Variants in STARD13 observed in about 807,000 individuals in gnomAD.
STARD13 encodes the protein stAR-related lipid transfer protein 13.
Under a neutral mutation model 106.4 loss-of-function variants are expected in STARD13, and 62 were observed. That is an observed-to-expected ratio of 0.58 (90% CI 0.48 to 0.72). STARD13 has a LOEUF of 0.72. STARD13 is among the 30% of genes least tolerant of loss of function. The pLI, the probability that STARD13 is intolerant of heterozygous loss-of-function variation, is 0.00. For synonymous variants in STARD13, 565 were observed against 553.0 expected, an observed-to-expected ratio of 1.02 and a Z score of -0.31; for missense variants, 1,387 against 1,424.0, an observed-to-expected ratio of 0.97 and a Z score of 0.42.
chr13:33,172,348 A>G (rs1013246001), intron 1 of STARD13, among the ~76,000 whole-genome samples: 1 of 152,214 alleles, frequency 6.6e-6, no homozygotes, highest in Non-Finnish European at 1.5e-5. Flanking sequence ...CAAGGTAGCC[A>G]AGAGAAAAGA....
the STARD13 span, among the ~76,000 whole-genome samples, chr13:33,358,217 T>C: frequency 6.6e-6 from 1 of 151,988 alleles, no homozygotes; most frequent in Admixed American, 6.6e-5. Context: ...TGCCTTCCCA[T>C]GGGGCAGGGC....
chr13:33,435,769 C>A, the STARD13 span, among the ~76,000 whole-genome samples: 1 of 152,060 alleles, frequency 6.6e-6, no homozygotes, highest in Non-Finnish European at 1.5e-5. Context: ...TTGCACAGTG[C>A]AAGGGACATA....
At chr13:33,642,500 C>A in the STARD13 span, among the ~76,000 whole-genome samples, 2 of 152,150 alleles carry the variant, frequency 1.3e-5, no homozygotes, top group Admixed American at 6.5e-5. Context: ...GTGCTTCAGG[C>A]CCCCTGCAGA....
the STARD13 span, among the ~76,000 whole-genome samples, chr13:33,398,367 A>G: frequency 1.1e-4 from 16 of 152,360 alleles, no homozygotes; most frequent in African/African-American, 3.8e-4. Flanking sequence ...CTTTTAGAAA[A>G]CAACATCAGA....
At chr13:33,193,358 A>G (rs1460263770) in intron 1 of STARD13, among the ~76,000 whole-genome samples, 1 of 152,226 alleles carries the variant, frequency 6.6e-6, no homozygotes, top group African/African-American at 2.4e-5. Context: ...TCTAGGTGGG[A>G]ACATTATTTC....
the STARD13 span, among the ~76,000 whole-genome samples, chr13:33,668,609 T>A: frequency 4.6e-5 from 7 of 152,288 alleles, no homozygotes; most frequent in African/African-American, 1.4e-4. Context: ...AGGTAGTAGA[T>A]TACAGATGGA....
chr13:33,478,090 G>C, the STARD13 span, among the ~76,000 whole-genome samples: 2 of 152,076 alleles, frequency 1.3e-5, no homozygotes, highest in Non-Finnish European at 2.9e-5. Context: ...TCCAATTCGT[G>C]TTTTCCTGCA....
chr13:33,197,416 T>TTGTGAG (rs1886705255), intron 1 of STARD13, among the ~76,000 whole-genome samples: 1 of 148,026 alleles, frequency 6.8e-6, no homozygotes, highest in Non-Finnish European at 1.5e-5. Flanking sequence ...AGGAAGAGAG[T>TTGTGAG]TGTGTGTGTG....
intron 1 of STARD13, among the ~76,000 whole-genome samples, chr13:33,232,065 C>G (rs909178102): frequency 5.3e-5 from 8 of 152,202 alleles, no homozygotes; most frequent in Non-Finnish European, 1.0e-4. Context: ...GTAATCCAAG[C>G]ACTTTGGGAG....
intron 1 of STARD13, among the ~76,000 whole-genome samples, chr13:33,211,344 G>A (rs9596965): frequency 0.07 from 10,658 of 152,024 alleles, 1,224 homozygotes; most frequent in African/African-American, 0.24. Flanking sequence ...GTAAAAGCCT[G>A]TTTTTATTCC....
chr13:33,647,570 C>A, the STARD13 span, among the ~76,000 whole-genome samples: 1 of 152,182 alleles, frequency 6.6e-6, no homozygotes, highest in Non-Finnish European at 1.5e-5. Flanking sequence ...CTCACCTAAA[C>A]CCTATTTTCT....
chr13:33,665,153 G>A, the STARD13 span, among the ~76,000 whole-genome samples: 5 of 152,138 alleles, frequency 3.3e-5, no homozygotes, highest in African/African-American at 1.2e-4. Context: ...GTAAAGTCCT[G>A]CTTCTTATTT....
At chr13:33,154,418 G>A (rs988524615) in intron 3 of STARD13, among the ~76,000 whole-genome samples, 1 of 152,190 alleles carries the variant, frequency 6.6e-6, no homozygotes, top group Non-Finnish European at 1.5e-5. Context: ...GAGGGCTCTA[G>A]CTATACAAAG....
At chr13:33,426,359 T>C in the STARD13 span, among the ~76,000 whole-genome samples, 1 of 152,196 alleles carries the variant, frequency 6.6e-6, no homozygotes, top group Non-Finnish European at 1.5e-5. Flanking sequence ...CAACTTGTCT[T>C]AGCATCTAAT....
intron 1 of STARD13, among the ~76,000 whole-genome samples, chr13:33,168,248 G>T (rs377273440): frequency 6.6e-6 from 1 of 152,040 alleles, no homozygotes; most frequent in African/African-American, 2.4e-5. Flanking sequence ...TGTAGAGTGC[G>T]GCATAGAAGA....
At chr13:33,125,030 C>G (rs974436266) in intron 7 of STARD13, among the ~76,000 whole-genome samples, 12 of 152,206 alleles carry the variant, frequency 7.9e-5, no homozygotes, top group Non-Finnish European at 1.3e-4. Flanking sequence ...TCAGTTCAGT[C>G]AAAGACAACT....
upstream of STARD13, among the ~76,000 whole-genome samples, chr13:33,354,785 A>G (rs1053396822): frequency 3.3e-5 from 5 of 151,820 alleles, no homozygotes; most frequent in African/African-American, 9.7e-5. Context: ...ATACATACTG[A>G]TAATTATAGT....
the STARD13 span, among the ~76,000 whole-genome samples, chr13:33,609,105 A>AAAAG: frequency 1.6e-4 from 21 of 133,190 alleles, 4 homozygotes; most frequent in African/African-American, 6.0e-4. Flanking sequence ...AAAAAAAAAA[A>AAAAG]AAATATTGAT....
the STARD13 span, among the ~76,000 whole-genome samples, chr13:33,437,020 A>G: frequency 6.6e-6 from 1 of 152,144 alleles, no homozygotes; most frequent in Non-Finnish European, 1.5e-5. Context: ...AAGGGAGGAG[A>G]CCACCCCTCA....
Sources: gnomAD v4.1 joint callset for allele counts (sites outside exome capture counted in the v4.1 genomes callset) on GRCh38, gnomAD v4.1.1 for gene constraint, MANE v1.5 for transcripts, NCBI Gene and HGNC (gene_info 2026-07-23, HGNC 2026-07-21) for gene names.